The following CTDSP1 variants were observed in gnomAD, a reference collection of about 807,000 sequenced individuals.
CTDSP1 encodes the protein carboxy-terminal domain RNA polymerase II polypeptide A small phosphatase 1.
A neutral mutation model predicts 32.5 loss-of-function variants in CTDSP1; 15 were observed. The ratio of observed to expected loss-of-function variants is 0.46; its 90% confidence interval spans 0.31 to 0.71. CTDSP1 has a LOEUF of 0.71. Ranked by LOEUF, CTDSP1 falls within the 30% of genes least tolerant of loss-of-function variation. CTDSP1 has a pLI of 0.05. For missense variants in CTDSP1, 294 were observed against 351.1 expected (o/e 0.84, Z 1.30); for synonymous variants, 185 against 145.4 (o/e 1.27, Z -1.96).
Position 218,404,565 on chromosome 2 carries a change from C to T in CTDSP1, c.*140C>T. ...ATGGGGAAGCGGGCGTCTCCCCCACCAGCCCCACCAGGCGGTGTAGGGGCA... is the reference window on the plus strand; with the variant it reads ...ATGGGGAAGCGGGCGTCTCCCCCACTAGCCCCACCAGGCGGTGTAGGGGCA... On this transcript the variant is annotated 3_prime_UTR_variant, in exon 7 of 7. Coordinates refer to ENST00000273062, the MANE Select transcript of CTDSP1 (RefSeq NM_021198.3). The T allele has an allele frequency of 9.5e-7, 1 of 1,056,740 alleles. No homozygotes were observed. Among genetic ancestry groups the T allele is most frequent in the Admixed American group, 2.4e-5 (1 of 42,442 alleles). 65.5% of individuals were successfully genotyped at this position (1,056,740 alleles called of 1,614,324 possible).
At position 218,404,668 on chromosome 2, in the gene CTDSP1, T is replaced by TG. The variant is rs992257328; in HGVS notation, c.*249dup. ...CCTCCTCCCCTATTCTCAGGGGACCTGGGGGGCCCTGCCTGCTGCTCCCTT... is the reference window on the plus strand; with the variant it reads ...CCTCCTCCCCTATTCTCAGGGGACCTGGGGGGGCCCTGCCTGCTGCTCCCTT... On this transcript the variant is annotated 3_prime_UTR_variant, in exon 7 of 7. Coordinates refer to ENST00000273062, the MANE Select transcript of CTDSP1 (RefSeq NM_021198.3). The TG allele has an allele frequency of 2.2e-5, 10 of 459,218 alleles. No homozygotes were observed. The highest frequency in any genetic ancestry group is 5.7e-4 in the Middle Eastern group (1 of 1,754). The allele number at this position is 459,218 out of a possible 1,614,324, so 28.4% of individuals were successfully genotyped here.
intron 4 of CTDSP1, chr2:218,402,697 TCTC>T: frequency 1.3e-6 from 1 of 763,222 alleles, no homozygotes; most frequent in Non-Finnish European, 2.4e-6. Flanking sequence ...TCCAGCCTGT[TCTC>T]CATTACTTGG....
intron 4 of CTDSP1, 36 bp from the exon 5 acceptor site, chr2:218,402,999 A>C (rs1574799734): frequency 2.0e-6 from 3 of 1,505,286 alleles, no homozygotes; most frequent in African/African-American, 1.4e-5. Flanking sequence ...ACACTGCCCC[A>C]CTGGCCCGCA....
upstream of CTDSP1, chr2:218,398,205 A>T (rs1370719384): frequency 5.2e-6 from 3 of 573,650 alleles, no homozygotes; most frequent in South Asian, 2.0e-5. Context: ...CAGGGGAGAC[A>T]GATGTCCCGC....
In CTDSP1 at chr2:218,399,993, C is replaced by T. The variant is rs566808221; in HGVS notation, c.-98C>T. 4.3e-5 allele frequency: 51 copies of T among 1,194,878 alleles called. 2 individuals carry two copies. Among genetic ancestry groups the T allele is most frequent in the African/African-American group, 1.9e-4 (12 of 61,574 alleles). 74.0% of individuals were successfully genotyped at this position (1,194,878 alleles called of 1,614,324 possible). ...AGCTCGCGGGGATCCCTCCCTCCCA[C>T]CCCTCCCCTCCCCCCCGCGCCCCGA... is the stretch of plus-strand genomic sequence containing the variant. On this transcript the variant is annotated 5_prime_UTR_variant, in exon 1 of 7. Transcript: ENST00000273062.
At chr2:218,403,506 C>A (rs1308641392) in intron 6 of CTDSP1, 89 bp downstream of exon 6, 4 of 1,276,620 alleles carry the variant, frequency 3.1e-6, no homozygotes, top group East Asian at 4.8e-5. Context: ...CTTGGATCCC[C>A]AGTTGGGGGG....
upstream of CTDSP1, among the ~76,000 whole-genome samples, chr2:218,397,099 A>G (rs1696836126): frequency 6.6e-6 from 1 of 152,180 alleles, no homozygotes; most frequent in Admixed American, 6.5e-5. Flanking sequence ...ACATCTGCCA[A>G]GACCTGAAGC....
intron 1 of CTDSP1, chr2:218,401,281 C>T (rs1697121879): frequency 3.9e-6 from 2 of 507,628 alleles, no homozygotes; most frequent in Non-Finnish European, 7.1e-6. Context: ...CTGTGAGAGG[C>T]AGGGAGAGAG....
Position 218,401,745 on chromosome 2 carries a change from C to T in CTDSP1, c.216+33C>T, listed in dbSNP as rs777898337. ...GGGGCCAGGTGGGGCCACGGGGGCA[C>T]CTGGACTCAGTCTTCAGGGCTTTAG... On this transcript the variant is annotated intron_variant, in intron 2 of 6. Coordinates refer to ENST00000273062, the MANE Select transcript of CTDSP1 (RefSeq NM_021198.3). 11 of 1,522,008 alleles carry T rather than the reference C, an allele frequency of 7.2e-6. No homozygotes were observed. The South Asian group carries it at 7.8e-5, about 11-fold the overall frequency. The allele number at this position is 1,522,008 out of a possible 1,614,324, so 94.3% of individuals were successfully genotyped here.
At chr2:218,399,812 C>G, upstream of CTDSP1, 1 of 1,153,244 alleles carries the variant, frequency 8.7e-7, no homozygotes, top group Non-Finnish European at 1.1e-6. Context: ...CAGGTCACGC[C>G]GAAGCCGTTG....
rs1249333067 is a variant in CTDSP1 at position 218,399,978 on chromosome 2, G to A, written c.-113G>A. 4.8e-5 allele frequency: 55 copies of A among 1,134,496 alleles called. No homozygotes were observed. In the Admixed American group the frequency reaches 8.6e-4, roughly 18 times the overall value. 70.3% of individuals were successfully genotyped at this position (1,134,496 alleles called of 1,614,324 possible). A position where few individuals can be genotyped will look rare whatever the true frequency, so the allele number is the denominator to read the frequency against. ...TCCCCTCCCCTCCGGAGCTCGCGGGGATCCCTCCCTCCCACCCCTCCCCTC... is the reference window on the plus strand; with the variant it reads ...TCCCCTCCCCTCCGGAGCTCGCGGGAATCCCTCCCTCCCACCCCTCCCCTC... On this transcript the variant is annotated 5_prime_UTR_variant, in exon 1 of 7. Transcript: ENST00000273062.
At chr2:218,397,929 G>C (rs949033616), upstream of CTDSP1, among the ~76,000 whole-genome samples, 3 of 152,220 alleles carry the variant, frequency 2.0e-5, no homozygotes, top group Non-Finnish European at 4.4e-5. Context: ...GCAACGGCTT[G>C]AAGTGGCGAT....
chr2:218,398,622 G>C, upstream of CTDSP1: 1 of 489,146 alleles, frequency 2.0e-6, no homozygotes, highest in Non-Finnish European at 3.4e-6. Flanking sequence ...CCCCTCGGCA[G>C]GGCCTGGCGG....
upstream of CTDSP1, chr2:218,396,453 C>T (rs2279014): frequency 0.37 from 56,028 of 152,336 alleles, 10,459 homozygotes; most frequent in African/African-American, 0.41. Flanking sequence ...GGGTGTTGCA[C>T]CTGGAAGAAC....
intron 6 of CTDSP1, chr2:218,403,676 A>C (rs2106374259): frequency 5.0e-6 from 2 of 398,646 alleles, no homozygotes; most frequent in Non-Finnish European, 8.9e-6. Flanking sequence ...GGAAAGTTTC[A>C]ATTTTTCGAA....
chr2:218,400,834 G>A (rs1291697457), intron 1 of CTDSP1: 3 of 455,498 alleles, frequency 6.6e-6, no homozygotes, highest in African/African-American at 6.0e-5. Context: ...GGCTGGGCCG[G>A]GGTGGGGGGG....
At chr2:218,403,178 G>T (rs2227257) in intron 5 of CTDSP1, 51 bp downstream of exon 5, 2 of 1,612,636 alleles carry the variant, frequency 1.2e-6, no homozygotes, top group Non-Finnish European at 1.7e-6. Flanking sequence ...CCTACCTCCC[G>T]CATGCAGCCC....
upstream of CTDSP1, chr2:218,398,630 C>A: frequency 4.4e-6 from 2 of 450,276 alleles, no homozygotes; most frequent in Non-Finnish European, 7.5e-6. Context: ...CAGGGCCTGG[C>A]GGACGTGCGC....
At chr2:218,401,195 G>A in intron 1 of CTDSP1, 1 of 371,096 alleles carries the variant, frequency 2.7e-6, no homozygotes, top group Non-Finnish European at 5.3e-6. Context: ...GGCCCTGGCT[G>A]TCCTGAGCAG....
Sources: gnomAD v4.1 joint callset for allele counts (sites outside exome capture counted in the v4.1 genomes callset) on GRCh38, gnomAD v4.1.1 for gene constraint, MANE v1.5 for transcripts, NCBI Gene and HGNC (gene_info 2026-07-23, HGNC 2026-07-21) for gene names.